Variants in DHRSX observed in about 807,000 individuals in gnomAD.
The protein encoded by DHRSX is polyprenol dehydrogenase.
In DHRSX, 31 loss-of-function variants were observed where a neutral mutation model predicts 34.0. The ratio of observed to expected loss-of-function variants is 0.91; its 90% CI spans 0.69 to 1.23. The LOEUF is 1.23. Among genes scored for constraint, DHRSX ranks in the 50% most tolerant of loss-of-function variants. The pLI is 0.00. For synonymous variants in DHRSX, 201 were observed against 183.8 expected (o/e 1.09, Z -0.76); for missense variants, 414 against 428.1 (o/e 0.97, Z 0.29).
intron 3 of DHRSX, among the ~76,000 whole-genome samples, chrX:2,309,832 G>C (rs2042142633): frequency 6.6e-6 from 1 of 152,144 alleles, no homozygotes; most frequent in Admixed American, 6.6e-5. Context: ...AGGACTGCTT[G>C]AGCATAGGAG....
At position 2,440,179 on chromosome X, in the gene DHRSX, T is replaced by A. The variant is rs185298089; in HGVS notation, c.110-14875A>T. On this transcript the variant is annotated intron_variant, in intron 1 of 6. Transcript: ENST00000334651. ...TACCCACACAAAGAAGAGAGGTGTGTCTGTCTTCTTATTTGTTCTTTTTTC... is the reference window on the plus strand; with the variant it reads ...TACCCACACAAAGAAGAGAGGTGTGACTGTCTTCTTATTTGTTCTTTTTTC... Among the ~76,000 whole-genome samples, 1,311 of 152,146 alleles carry A rather than the reference T, an allele frequency of 8.6e-3. 34 individuals carry two copies. Among genetic ancestry groups the A allele is most frequent in the East Asian group, 0.053 (273 of 5,170 alleles).
At chrX:2,221,561 C>T (rs750081544) in intron 6 of DHRSX, among the ~76,000 whole-genome samples, 35 of 152,236 alleles carry the variant, frequency 2.3e-4, no homozygotes, top group African/African-American at 7.9e-4. Flanking sequence ...TATTAATTGA[C>T]TAGAAGCAGA....
intron 6 of DHRSX, among the ~76,000 whole-genome samples, chrX:2,229,087 A>G (rs1297881725): frequency 6.6e-6 from 1 of 152,100 alleles, no homozygotes; most frequent in African/African-American, 2.4e-5. Context: ...AAATGTTGCT[A>G]TTTGAATGCA....
At chrX:2,240,310 A>T (rs2016112215) in intron 6 of DHRSX, among the ~76,000 whole-genome samples, 1 of 151,244 alleles carries the variant, frequency 6.6e-6, no homozygotes, top group Admixed American at 6.6e-5. Context: ...AAAGAAAAAG[A>T]AAAAGAAAAA....
At chrX:2,460,960 A>T (rs1451746906) in intron 1 of DHRSX, among the ~76,000 whole-genome samples, 1 of 152,102 alleles carries the variant, frequency 6.6e-6, no homozygotes, top group Non-Finnish European at 1.5e-5. Context: ...CTCAAAAATC[A>T]TCCTCCTGCC....
At chrX:2,363,537 TATC>T (rs2042961670) in intron 3 of DHRSX, among the ~76,000 whole-genome samples, 1 of 148,968 alleles carries the variant, frequency 6.7e-6, no homozygotes, top group Non-Finnish European at 1.5e-5. Flanking sequence ...CGTTCTATGA[TATC>T]ATGCCGCCAT....
chrX:2,233,190 T>C (rs1185597849), intron 6 of DHRSX, among the ~76,000 whole-genome samples: 1 of 152,148 alleles, frequency 6.6e-6, no homozygotes, highest in Non-Finnish European at 1.5e-5. Context: ...AGAATTTCAT[T>C]ATCTGCCGCT....
chrX:2,472,189 C>T (rs113046529), intron 1 of DHRSX, among the ~76,000 whole-genome samples: 31,177 of 149,862 alleles, frequency 0.21, 4,412 homozygotes, highest in African/African-American at 0.4. Context: ...GGAACATGCA[C>T]GGAGGTGGAG....
intron 1 of DHRSX, among the ~76,000 whole-genome samples, chrX:2,468,798 G>A (rs919844122): frequency 1.3e-5 from 2 of 151,710 alleles, no homozygotes; most frequent in African/African-American, 4.8e-5. Flanking sequence ...TAAGCATGTG[G>A]TCCAAAGGAC....
At chrX:2,450,686 A>C (rs1282154605) in intron 1 of DHRSX, among the ~76,000 whole-genome samples, 1 of 151,998 alleles carries the variant, frequency 6.6e-6, no homozygotes, top group Non-Finnish European at 1.5e-5. Flanking sequence ...CTTCAAAGCA[A>C]GGAGGGTTTC....
At chrX:2,351,966 C>T (rs1461088362) in intron 3 of DHRSX, among the ~76,000 whole-genome samples, 3 of 152,172 alleles carry the variant, frequency 2.0e-5, no homozygotes, top group Non-Finnish European at 4.4e-5. Flanking sequence ...GTGATCCACC[C>T]GCCTCGGCCT....
intron 6 of DHRSX, among the ~76,000 whole-genome samples, chrX:2,225,011 CTCAT>C (rs1216936562): frequency 2.0e-5 from 3 of 151,252 alleles, no homozygotes; most frequent in Non-Finnish European, 4.4e-5. Context: ...CATGCTCACA[CTCAT>C]TCACATGCAC....
At chrX:2,489,732 A>G (rs1461045387) in intron 1 of DHRSX, 4 of 1,613,110 alleles carry the variant, frequency 2.5e-6, no homozygotes, top group Non-Finnish European at 3.4e-6. Flanking sequence ...TAGAGCATGT[A>G]CATGGCCACG....
intron 4 of DHRSX, among the ~76,000 whole-genome samples, chrX:2,269,024 TTGA>T (rs1485981563): frequency 6.6e-6 from 1 of 152,274 alleles, no homozygotes; most frequent in Non-Finnish European, 1.5e-5. Context: ...TGGAGCTATA[TTGA>T]TATTTGTAGA....
chrX:2,491,361 C>T (rs1251368659), intron 1 of DHRSX, among the ~76,000 whole-genome samples: 4 of 152,178 alleles, frequency 2.6e-5, no homozygotes, highest in African/African-American at 9.7e-5. Flanking sequence ...TGAGTCACCG[C>T]GCCCAGCCTG....
chrX:2,320,670 G>A lies in DHRSX; in HGVS notation c.287-29067C>T, dbSNP rs150140657. The stretch of plus-strand genomic sequence containing the variant: ...GAGTTTTCCTAGAATTGCTACACTC[G>A]GAGACATGAGGCAATGCTTACTCTG... On this transcript the variant is annotated intron_variant, in intron 3 of 6. Coordinates refer to ENST00000334651, the MANE Select transcript of DHRSX (RefSeq NM_145177.3). 2.7e-3 allele frequency among the ~76,000 whole-genome samples: 408 copies of A among 148,382 alleles called. 5 individuals carry two copies. The highest frequency in any genetic ancestry group is 0.017 in the East Asian group (82 of 4,906).
chrX:2,462,700 G>A (rs1343287444), intron 1 of DHRSX, among the ~76,000 whole-genome samples: 1 of 151,978 alleles, frequency 6.6e-6, no homozygotes, highest in African/African-American at 2.4e-5. Flanking sequence ...GCCATGACCA[G>A]GAATTTTTTA....
chrX:2,471,615 T>C (rs17842861), intron 1 of DHRSX, among the ~76,000 whole-genome samples: 31,269 of 150,888 alleles, frequency 0.21, 4,328 homozygotes, highest in African/African-American at 0.4. Context: ...TGAAAAAAGA[T>C]CTGCAATAGG....
chrX:2,484,642 AG>A (rs897042790), intron 1 of DHRSX, among the ~76,000 whole-genome samples: 1 of 152,124 alleles, frequency 6.6e-6, no homozygotes, highest in African/African-American at 2.4e-5. Context: ...TTCACCAGGC[AG>A]GGGCATGGCG....
Sources: allele counts gnomAD v4.1 joint callset (sites outside exome capture counted in the v4.1 genomes callset), GRCh38; gene constraint gnomAD v4.1.1; transcripts MANE v1.5; gene names NCBI Gene and HGNC (gene_info 2026-07-23, HGNC 2026-07-21).